Variants in CNBD1 observed in about 807,000 individuals in gnomAD.
CNBD1 encodes the protein cyclic nucleotide-binding domain-containing protein 1.
A neutral mutation model predicts 54.4 loss-of-function variants in CNBD1; 71 were observed. The ratio of observed to expected loss-of-function variants is 1.30; its 90% CI spans 1.08 to 1.59. CNBD1 has a LOEUF of 1.59. Among genes scored for constraint, CNBD1 ranks in the 40% most tolerant of loss-of-function variants. The pLI, the probability that CNBD1 is intolerant of heterozygous loss-of-function variation, is 0.00. For synonymous variants in CNBD1, 182 were observed against 170.7 expected (o/e 1.07, Z -0.51); for missense variants, 659 against 518.0 (o/e 1.27, Z -2.64).
At chr8:87,323,330 A>G in intron 8 of CNBD1, among the ~76,000 whole-genome samples, 1 of 131,576 alleles carries the variant, frequency 7.6e-6, no homozygotes, top group Non-Finnish European at 1.6e-5. Context: ...AGTTTTTTCC[A>G]ATTCTGTGAA....
intron 8 of CNBD1, among the ~76,000 whole-genome samples, chr8:87,327,724 C>A (rs1377676481): frequency 1.3e-5 from 2 of 152,134 alleles, no homozygotes; most frequent in East Asian, 1.9e-4. Flanking sequence ...GTGAGATGAA[C>A]CCGGTACCTC....
At chr8:87,043,828 A>C (rs1401752086) in intron 4 of CNBD1, among the ~76,000 whole-genome samples, 3 of 152,254 alleles carry the variant, frequency 2.0e-5, no homozygotes, top group African/African-American at 4.8e-5. Context: ...GCGTAGCAAC[A>C]GCAAGAAATC....
At chr8:87,395,263 C>T (rs1482981516) in intron 2 of CNBD1, among the ~76,000 whole-genome samples, 2 of 151,900 alleles carry the variant, frequency 1.3e-5, no homozygotes, top group East Asian at 1.9e-4. Flanking sequence ...TATGAGGATA[C>T]ATAGCTTCCT....
intron 5 of CNBD1, among the ~76,000 whole-genome samples, chr8:87,227,307 C>T (rs1346732885): frequency 1.6e-4 from 23 of 144,256 alleles, no homozygotes; most frequent in East Asian, 4.1e-4. Flanking sequence ...TGATTTTGCT[C>T]GTTAGTTGAT....
chr8:87,398,534 A>G (rs1337059874), intron 2 of CNBD1, among the ~76,000 whole-genome samples: 2 of 152,080 alleles, frequency 1.3e-5, no homozygotes, highest in East Asian at 3.9e-4. Flanking sequence ...ATTTTTCCAA[A>G]TGCTTTTCAG....
At chr8:87,396,949 A>G (rs1811417912) in intron 2 of CNBD1, among the ~76,000 whole-genome samples, 1 of 148,062 alleles carries the variant, frequency 6.8e-6, no homozygotes, top group Non-Finnish European at 1.5e-5. Context: ...CATGTAATTC[A>G]TGGATTAATC....
chr8:86,968,228 T>TTTTTG (rs993736620), intron 4 of CNBD1, among the ~76,000 whole-genome samples: 1 of 152,146 alleles, frequency 6.6e-6, no homozygotes, highest in African/African-American at 2.4e-5. Flanking sequence ...TCAAACCATT[T>TTTTTG]TTTTGTTTTG....
At chr8:87,304,520 A>G (rs1230806090) in intron 8 of CNBD1, among the ~76,000 whole-genome samples, 1 of 152,092 alleles carries the variant, frequency 6.6e-6, no homozygotes, top group African/African-American at 2.4e-5. Context: ...TAGCATTAGG[A>G]GATATACCTA....
At chr8:87,370,851 A>G (rs1054024312) in intron 10 of CNBD1, among the ~76,000 whole-genome samples, 1 of 150,718 alleles carries the variant, frequency 6.6e-6, no homozygotes, top group Middle Eastern at 3.4e-3. Context: ...TAGGGTTTTT[A>G]TGGTTTTAGG....
intron 8 of CNBD1, among the ~76,000 whole-genome samples, chr8:87,345,180 A>C (rs1337685071): frequency 2.0e-5 from 3 of 152,172 alleles, no homozygotes; most frequent in Non-Finnish European, 2.9e-5. Flanking sequence ...AGCACACAAT[A>C]TCTTATTGAA....
At chr8:87,332,574 A>G (rs1809858483) in intron 8 of CNBD1, among the ~76,000 whole-genome samples, 1 of 152,086 alleles carries the variant, frequency 6.6e-6, no homozygotes, top group Admixed American at 6.6e-5. Context: ...TAAGGAAGGG[A>G]TCCAGTTTCA....
intron 2 of CNBD1, among the ~76,000 whole-genome samples, chr8:87,389,860 A>C (rs1811271483): frequency 6.6e-6 from 1 of 152,212 alleles, no homozygotes; most frequent in South Asian, 2.1e-4. Flanking sequence ...CTACAAGGCT[A>C]CAGTAACCAA....
intron 5 of CNBD1, among the ~76,000 whole-genome samples, chr8:87,223,183 T>A (rs1814381905): frequency 6.6e-6 from 1 of 151,178 alleles, no homozygotes; most frequent in Non-Finnish European, 1.5e-5. Flanking sequence ...TATCCTCCCT[T>A]TACCTCCCCA....
intron 4 of CNBD1, among the ~76,000 whole-genome samples, chr8:87,132,837 A>G (rs1045439899): frequency 6.7e-6 from 1 of 148,994 alleles, no homozygotes; most frequent in African/African-American, 2.4e-5. Context: ...ATATATATAT[A>G]TAGTTCCATT....
At chr8:87,115,944 A>G (rs1811758737) in intron 4 of CNBD1, among the ~76,000 whole-genome samples, 1 of 152,086 alleles carries the variant, frequency 6.6e-6, no homozygotes, top group South Asian at 2.1e-4. Flanking sequence ...AATACCTTCA[A>G]TGCCAGTACA....
At chr8:86,974,799 G>C (rs1808303387) in intron 4 of CNBD1, among the ~76,000 whole-genome samples, 1 of 151,838 alleles carries the variant, frequency 6.6e-6, no homozygotes, top group Non-Finnish European at 1.5e-5. Context: ...TCTTAAGCTG[G>C]ATAATGTATG....
chr8:87,324,690 C>A (rs893197262), intron 8 of CNBD1, among the ~76,000 whole-genome samples: 5 of 151,810 alleles, frequency 3.3e-5, no homozygotes, highest in Non-Finnish European at 7.4e-5. Flanking sequence ...TGATTCTTCT[C>A]TCTTTTTTTC....
chr8:87,083,805 G>T (rs983134982), intron 4 of CNBD1, among the ~76,000 whole-genome samples: 1 of 151,912 alleles, frequency 6.6e-6, no homozygotes, highest in African/African-American at 2.4e-5. Flanking sequence ...AGCCAGGATG[G>T]TCTTGATCTC....
chr8:87,412,792 A>G (rs532148067), intron 2 of CNBD1, among the ~76,000 whole-genome samples: 51 of 150,720 alleles, frequency 3.4e-4, no homozygotes, highest in Middle Eastern at 3.4e-3. Flanking sequence ...GGAAACATCA[A>G]GAAGAGGAGA....
Sources: gnomAD v4.1 joint callset for allele counts (sites outside exome capture counted in the v4.1 genomes callset) on GRCh38, gnomAD v4.1.1 for gene constraint, MANE v1.5 for transcripts, NCBI Gene and HGNC (gene_info 2026-07-23, HGNC 2026-07-21) for gene names.